The following GRIN2A variants were observed in gnomAD, a reference collection of about 807,000 sequenced individuals.
GRIN2A encodes the protein glutamate ionotropic receptor NMDA type subunit 2A.
A neutral mutation model predicts 113.4 loss-of-function variants in GRIN2A; 22 were observed. The observed-to-expected ratio is 0.19, with a 90% CI of 0.14 to 0.28. The LOEUF (loss-of-function observed/expected upper bound fraction) is 0.28, where lower values mean the gene tolerates loss of function less well. GRIN2A is among the 10% of genes least tolerant of loss of function. The pLI is 1.00. For missense variants in GRIN2A, 1,502 were observed against 1,887.0 expected, an observed-to-expected ratio of 0.80 and a Z score of 3.78; for synonymous variants, 827 against 738.4, an observed-to-expected ratio of 1.12 and a Z score of -1.94.
intron 2 of GRIN2A, among the ~76,000 whole-genome samples, chr16:10,100,610 G>C (rs1174919345): frequency 6.6e-6 from 1 of 152,176 alleles, no homozygotes; most frequent in Non-Finnish European, 1.5e-5. Context: ...GATGATCTTT[G>C]TAACTCTTGT....
intron 11 of GRIN2A, among the ~76,000 whole-genome samples, chr16:9,789,553 T>TACACAC (rs71157785): frequency 1.5e-4 from 22 of 149,616 alleles, no homozygotes; most frequent in Admixed American, 7.4e-4. Context: ...GAAACATACA[T>TACACAC]ACACACACAC....
intron 11 of GRIN2A, among the ~76,000 whole-genome samples, chr16:9,777,301 A>G (rs1339200721): frequency 1.3e-5 from 2 of 152,074 alleles, no homozygotes; most frequent in African/African-American, 4.8e-5. Flanking sequence ...GAAAAATAAG[A>G]CCCAAGTAAC....
chr16:10,163,601 G>A (rs1054465841), intron 2 of GRIN2A, among the ~76,000 whole-genome samples: 1 of 151,878 alleles, frequency 6.6e-6, no homozygotes, highest in Non-Finnish European at 1.5e-5. Flanking sequence ...GGAACCCCAA[G>A]TGCCCCCTGC....
At chr16:9,851,352 C>G (rs766453986) in intron 4 of GRIN2A, among the ~76,000 whole-genome samples, 14 of 152,112 alleles carry the variant, frequency 9.2e-5, no homozygotes, top group Non-Finnish European at 1.5e-4. Flanking sequence ...CATTTATTCA[C>G]GCTATGATAT....
intron 2 of GRIN2A, among the ~76,000 whole-genome samples, chr16:10,024,526 G>T (rs766313182): frequency 6.6e-6 from 1 of 152,166 alleles, no homozygotes; most frequent in Non-Finnish European, 1.5e-5. Context: ...CCAATGTCAC[G>T]CACAGTTTTA....
At chr16:9,945,037 T>A (rs897610105) in intron 2 of GRIN2A, among the ~76,000 whole-genome samples, 5 of 152,040 alleles carry the variant, frequency 3.3e-5, no homozygotes, top group African/African-American at 1.2e-4. Flanking sequence ...AATAGAACAA[T>A]TGGCCGGGTA....
chr16:9,915,042 T>G (rs1003853237), intron 3 of GRIN2A, among the ~76,000 whole-genome samples: 3 of 146,746 alleles, frequency 2.0e-5, no homozygotes, highest in African/African-American at 5.0e-5. Flanking sequence ...GTTCACGCCA[T>G]TCTCCTGCCT....
chr16:9,759,238 G>T lies in GRIN2A; in HGVS notation c.*3911C>A. ...ATTTATATGACAACTGATTATTAAAGCTGCACTTTTTAGATTTAAAGGAGA... is the reference window on the plus strand; with the variant it reads ...ATTTATATGACAACTGATTATTAAATCTGCACTTTTTAGATTTAAAGGAGA... On this transcript the variant is annotated 3_prime_UTR_variant, in exon 13 of 13. Transcript: ENST00000330684. 4.5e-6 allele frequency: 1 copy of T among 219,848 alleles called. No individual in the cohort carries two copies. Among genetic ancestry groups the T allele is most frequent in the Non-Finnish European group, 9.1e-6 (1 of 109,708 alleles). 13.6% of individuals were successfully genotyped at this position (219,848 alleles called of 1,614,324 possible).
intron 2 of GRIN2A, among the ~76,000 whole-genome samples, chr16:10,020,481 A>G (rs1314718492): frequency 6.6e-6 from 1 of 152,240 alleles, no homozygotes; most frequent in Middle Eastern, 3.2e-3. Flanking sequence ...GGAGTTCTGC[A>G]CGTTATTATT....
At chr16:10,181,213 ACACACACATGTT>A (rs1046913403) in intron 1 of GRIN2A, among the ~76,000 whole-genome samples, 13 of 73,550 alleles carry the variant, frequency 1.8e-4, no homozygotes, top group Admixed American at 1.4e-3. Flanking sequence ...ACACACACGC[ACACACACATGTT>A]CACACACACA....
Position 9,754,762 on chromosome 16 carries a change from A to C in GRIN2A, c.*8387T>G, listed in dbSNP as rs1362768080. The C allele has an allele frequency of 9.1e-6, 2 of 220,444 alleles. No homozygotes were observed. The highest frequency in any genetic ancestry group is 4.5e-5 in the African/African-American group (2 of 44,640). 13.7% of individuals were successfully genotyped at this position (220,444 alleles called of 1,614,324 possible). On this transcript the variant is annotated 3_prime_UTR_variant, in exon 13 of 13. Coordinates refer to ENST00000330684, the MANE Select transcript of GRIN2A (RefSeq NM_001134407.3). ...TAATGTAGAAACTTCGATTGAATTC[A>C]AAAGGCTATGATTGTTTTTCATGGA...
chr16:10,142,493 G>C (rs1252021980), intron 2 of GRIN2A, among the ~76,000 whole-genome samples: 2 of 152,116 alleles, frequency 1.3e-5, no homozygotes, highest in Non-Finnish European at 2.9e-5. Flanking sequence ...ACAAGTTCAA[G>C]ACCAGCCTGG....
chr16:10,156,934 C>A (rs913961103), intron 2 of GRIN2A, among the ~76,000 whole-genome samples: 7 of 152,158 alleles, frequency 4.6e-5, no homozygotes, highest in African/African-American at 1.2e-4. Flanking sequence ...AACAAGTTAT[C>A]TAATTCACCT....
At chr16:9,850,372 G>T (rs185412336) in intron 4 of GRIN2A, among the ~76,000 whole-genome samples, 1 of 152,146 alleles carries the variant, frequency 6.6e-6, no homozygotes, top group African/African-American at 2.4e-5. Flanking sequence ...TTAATCCTAA[G>T]ATCTTCTGTT....
At chr16:10,005,793 C>A (rs1370385535) in intron 2 of GRIN2A, among the ~76,000 whole-genome samples, 1 of 152,156 alleles carries the variant, frequency 6.6e-6, no homozygotes, top group African/African-American at 2.4e-5. Context: ...GTACTTTTCA[C>A]TTTTTAAACC....
chr16:9,769,138 T>G, intron 11 of GRIN2A, 49 bp from the exon 12 acceptor site: 2 of 1,407,174 alleles, frequency 1.4e-6, no homozygotes, highest in Non-Finnish European at 2.0e-6. Context: ...AACATGCACT[T>G]TGGGGCAGAC....
At chr16:9,843,571 TCA>T (rs1446036485) in intron 5 of GRIN2A, among the ~76,000 whole-genome samples, 1 of 152,322 alleles carries the variant, frequency 6.6e-6, no homozygotes, top group Admixed American at 6.5e-5. Context: ...TATCTCAGGA[TCA>T]CAGACTGCCT....
intron 11 of GRIN2A, among the ~76,000 whole-genome samples, chr16:9,772,668 G>A (rs1901343765): frequency 6.6e-6 from 1 of 152,070 alleles, no homozygotes; most frequent in Admixed American, 6.5e-5. Flanking sequence ...GAGCCACCGT[G>A]CTCAGACCCT....
At chr16:9,772,187 C>G (rs978592584) in intron 11 of GRIN2A, among the ~76,000 whole-genome samples, 1 of 152,166 alleles carries the variant, frequency 6.6e-6, no homozygotes, top group Non-Finnish European at 1.5e-5. Flanking sequence ...CGCACAGTCA[C>G]AAAGTCATGG....
Sources: gnomAD v4.1 joint callset for allele counts (sites outside exome capture counted in the v4.1 genomes callset) on GRCh38, gnomAD v4.1.1 for gene constraint, MANE v1.5 for transcripts, NCBI Gene and HGNC (gene_info 2026-07-23, HGNC 2026-07-21) for gene names.